The following B2M variants were observed in gnomAD, a reference collection of about 807,000 sequenced individuals.
B2M encodes the protein beta-2-microglobulin, also known as beta chain of MHC class I molecules.
B2M carries 3 observed loss-of-function variants against 14.5 expected under a neutral mutation model. That is an observed-to-expected ratio of 0.21 (90% confidence interval 0.09 to 0.53). The LOEUF (loss-of-function observed/expected upper bound fraction) is 0.53, where lower values mean the gene tolerates loss of function less well. B2M is among the 20% of genes least tolerant of loss of function. The pLI is 0.95. For missense variants in B2M, 107 were observed against 140.8 expected (o/e 0.76, Z 1.21); for synonymous variants, 45 against 52.7 (o/e 0.85, Z 0.64).
At chr15:44,714,953 G>C in intron 1 of B2M, 1 of 212,080 alleles carries the variant, frequency 4.7e-6, no homozygotes, top group Non-Finnish European at 9.7e-6. Context: ...TGGAAGGGGT[G>C]GAAACAGAGT....
chr15:44,714,684 A>C (rs2086921939), intron 1 of B2M: 1 of 152,358 alleles, frequency 6.6e-6, no homozygotes, highest in African/African-American at 2.4e-5. Context: ...GTGAGCTGAG[A>C]TCTCACCACT....
intron 3 of B2M, 37 bp downstream of exon 3, chr15:44,716,393 C>G (rs1420647180): frequency 5.7e-6 from 9 of 1,565,446 alleles, no homozygotes; most frequent in Non-Finnish European, 7.9e-6. Context: ...TTTTGTTTCA[C>G]TGTCCTGAGG....
At chr15:44,715,895 A>C (rs1275330597) in intron 2 of B2M, 194 bp downstream of exon 2, 6 of 728,560 alleles carry the variant, frequency 8.2e-6, no homozygotes, top group Non-Finnish European at 1.4e-5. Flanking sequence ...CTGCTGAGAT[A>C]CTGATGCACA....
intron 1 of B2M, chr15:44,714,949 G>T: frequency 1.5e-5 from 3 of 201,642 alleles, no homozygotes; most frequent in Non-Finnish European, 2.1e-5. Flanking sequence ...AAAATGGAAG[G>T]GGTGGAAACA....
At chr15:44,716,551 G>A in intron 3 of B2M, 195 bp downstream of exon 3, 1 of 639,422 alleles carries the variant, frequency 1.6e-6, no homozygotes, top group Non-Finnish European at 2.7e-6. Context: ...CCCCAGGTAT[G>A]GCCATATTAC....
In B2M at chr15:44,717,705, G is replaced by T. The variant is rs576157768; in HGVS notation, c.*113G>T. 2.0e-5 allele frequency: 3 copies of T among 152,318 alleles called. No individual in the cohort carries two copies. In the South Asian group the frequency reaches 6.2e-4, roughly 32 times the overall value. 9.4% of individuals were successfully genotyped at this position (152,318 alleles called of 1,614,324 possible). On this transcript the variant is annotated 3_prime_UTR_variant, in exon 4 of 4. Coordinates refer to ENST00000648006, the MANE Select transcript of B2M (RefSeq NM_004048.4). ...TACACTTACACTTTATGCACAAAATGTAGGGTTATAATAATGTTAACATGG... is the reference window on the plus strand; with the variant it reads ...TACACTTACACTTTATGCACAAAATTTAGGGTTATAATAATGTTAACATGG...
At chr15:44,717,034 G>A (rs2141290042) in intron 3 of B2M, 1 of 152,372 alleles carries the variant, frequency 6.6e-6, no homozygotes, top group Middle Eastern at 3.4e-3. Flanking sequence ...TTATATTCTA[G>A]AACAGGGAAT....
At chr15:44,715,863 T>C in intron 2 of B2M, 162 bp downstream of exon 2, 2 of 952,184 alleles carry the variant, frequency 2.1e-6, no homozygotes, top group Non-Finnish European at 3.2e-6. Context: ...GGGAATGTTC[T>C]TAAAGATCAG....
chr15:44,712,038 G>A, intron 1 of B2M: 1 of 337,690 alleles, frequency 3.0e-6, no homozygotes, highest in Non-Finnish European at 5.8e-6. Flanking sequence ...AACGCGTGGA[G>A]GGGCGCTTGG....
At chr15:44,715,139 G>T in intron 1 of B2M, 3 of 479,394 alleles carry the variant, frequency 6.3e-6, no homozygotes, top group Non-Finnish European at 7.6e-6. Context: ...AAAATGCAGC[G>T]CAATCTCCAG....
At chr15:44,715,959 C>G in intron 2 of B2M, 1 of 619,920 alleles carries the variant, frequency 1.6e-6, no homozygotes, top group East Asian at 2.7e-5. Context: ...GCAGCAGCAG[C>G]ACTTGCACAA....
At chr15:44,712,895 C>G (rs921416033) in intron 1 of B2M, 4 of 151,124 alleles carry the variant, frequency 2.6e-5, no homozygotes, top group African/African-American at 9.7e-5. Flanking sequence ...CCAGCTGCTC[C>G]GGTGGCTGAG....
chr15:44,716,186 C>T (rs2086939232), intron 2 of B2M, 143 bp from the exon 3 acceptor site: 5 of 945,458 alleles, frequency 5.3e-6, no homozygotes, highest in Non-Finnish European at 8.2e-6. Flanking sequence ...TGCTGGGTAG[C>T]TCTAAACAAT....
intron 2 of B2M, chr15:44,716,111 T>C (rs1267507059): frequency 4.8e-6 from 3 of 625,800 alleles, no homozygotes; most frequent in East Asian, 5.4e-5. Context: ...CATCCTATAA[T>C]CCTGGACTTC....
chr15:44,715,902 C>A, intron 2 of B2M: 1 of 714,100 alleles, frequency 1.4e-6, no homozygotes, highest in Non-Finnish European at 2.4e-6. Flanking sequence ...GATACTGATG[C>A]ACAGCATGGT....
intron 1 of B2M, chr15:44,712,023 T>C: frequency 3.4e-6 from 1 of 296,962 alleles, no homozygotes; most frequent in Admixed American, 4.7e-5. Context: ...GCGCTGAGGT[T>C]TGTGAACGCG....
At chr15:44,715,326 A>C (rs2086928617) in intron 1 of B2M, 97 bp from the exon 2 acceptor site, 2 of 1,418,246 alleles carry the variant, frequency 1.4e-6, no homozygotes, top group African/African-American at 2.8e-5. Flanking sequence ...TCGATGACCA[A>C]ATGTAAACAC....
rs1213335837 is a variant in B2M, at chr15:44,715,784, CTA to C, written c.346+85_346+86del. On this transcript the variant is annotated intron_variant, in intron 2 of 3. Transcript: ENST00000648006. ...AAAGCTGCTTTGATATAAAAAAGGTCTATGGCCATACTACCCTGAATGAGTCC... is the reference window on the plus strand; with the variant it reads ...AAAGCTGCTTTGATATAAAAAAGGTCTGGCCATACTACCCTGAATGAGTCC... The C allele has an allele frequency of 2.0e-6, 3 of 1,531,940 alleles. No individual in the cohort carries two copies. In the African/African-American group the frequency reaches 4.1e-5, roughly 21 times the overall value. The allele number at this position is 1,531,940 out of a possible 1,614,324, so 94.9% of individuals were successfully genotyped here. A position where few individuals can be genotyped will look rare whatever the true frequency, so the allele number is the denominator to read the frequency against.
intron 1 of B2M, chr15:44,713,143 A>G (rs889933811): frequency 6.6e-6 from 1 of 152,214 alleles, no homozygotes; most frequent in African/African-American, 2.4e-5. Flanking sequence ...AGCACTTTCT[A>G]AGTACCTGGC....
Sources: gnomAD v4.1 joint callset for allele counts on GRCh38, gnomAD v4.1.1 for gene constraint, MANE v1.5 for transcripts, NCBI Gene and HGNC (gene_info 2026-07-23, HGNC 2026-07-21) for gene names.